The following CTIF variants were observed in gnomAD, a reference collection of about 807,000 sequenced individuals.
CTIF encodes cap binding complex dependent translation initiation factor.
In CTIF, 21 loss-of-function variants were observed where a neutral mutation model predicts 66.0. The ratio of observed to expected loss-of-function variants is 0.32; its 90% CI spans 0.23 to 0.46. The LOEUF (loss-of-function observed/expected upper bound fraction) is 0.46. Ranked by LOEUF, CTIF falls within the 20% of genes least tolerant of loss-of-function variation. CTIF has a pLI of 1.00. For synonymous variants in CTIF, 345 were observed against 326.4 expected, an observed-to-expected ratio of 1.06 and a Z score of -0.62; for missense variants, 739 against 812.7, an observed-to-expected ratio of 0.91 and a Z score of 1.10.
chr18:48,739,686 T>C (rs1259689967), intron 7 of CTIF, among the ~76,000 whole-genome samples: 1 of 152,218 alleles, frequency 6.6e-6, no homozygotes, highest in Non-Finnish European at 1.5e-5. Flanking sequence ...GATTGGCCCT[T>C]GGCGGGGCCC....
intron 9 of CTIF, among the ~76,000 whole-genome samples, chr18:48,775,010 G>A (rs1221771925): frequency 6.6e-6 from 1 of 152,102 alleles, no homozygotes; most frequent in Non-Finnish European, 1.5e-5. Flanking sequence ...CTAAAGTGGG[G>A]TTCGAAGCAC....
intron 1 of CTIF, among the ~76,000 whole-genome samples, chr18:48,543,284 T>G (rs550049287): frequency 6.6e-6 from 1 of 152,298 alleles, no homozygotes; most frequent in African/African-American, 2.4e-5. Context: ...AATTGCAGTT[T>G]CTGAGAATTC....
chr18:48,707,998 C>T (rs989059039), intron 6 of CTIF, among the ~76,000 whole-genome samples: 15 of 152,316 alleles, frequency 9.8e-5, no homozygotes, highest in Middle Eastern at 3.4e-3. Context: ...AGCTTCTTTC[C>T]CTGAACATGA....
chr18:48,598,629 CATGAAACG>C (rs1210134274), intron 1 of CTIF, among the ~76,000 whole-genome samples: 1 of 152,168 alleles, frequency 6.6e-6, no homozygotes, highest in Non-Finnish European at 1.5e-5. Context: ...CTCAGAGGGC[CATGAAACG>C]GTGAAACGGC....
rs539930922 is a variant in CTIF, at chr18:48,779,670, G to A, written c.1371+17981G>A. 5.3e-5 allele frequency among the ~76,000 whole-genome samples: 8 copies of A among 152,352 alleles called. No homozygotes were observed. In the South Asian group the frequency reaches 6.2e-4, roughly 12 times the overall value. ...GGCCAGCGCTTAGCAGCGGGCTTGG[G>A]TCTGCTGCCTCCTTTCCTGTCTTGC... On this transcript the variant is annotated intron_variant, in intron 9 of 11. Transcript: ENST00000256413.
chr18:48,659,283 C>T lies in CTIF; in HGVS notation c.253-4469C>T, dbSNP rs1175981414. ...CTACTTCTCCAGAGACTCAGCTTCT[C>T]GTCTGCCAGGCCCCGAGTCTTCATG... is the stretch of plus-strand genomic sequence containing the variant. On this transcript the variant is annotated intron_variant, in intron 3 of 11. Coordinates refer to ENST00000256413, the MANE Select transcript of CTIF (RefSeq NM_014772.3). Among the ~76,000 whole-genome samples, 10 of 152,270 alleles carry T rather than the reference C, an allele frequency of 6.6e-5. No individual in the cohort carries two copies. In the East Asian group the frequency reaches 1.9e-3, roughly 29 times the overall value.
At chr18:48,806,222 G>A (rs1430410881) in intron 9 of CTIF, among the ~76,000 whole-genome samples, 1 of 152,168 alleles carries the variant, frequency 6.6e-6, no homozygotes, top group Non-Finnish European at 1.5e-5. Flanking sequence ...CCTCTTTTCA[G>A]TATAAAGAAT....
chr18:48,621,359 G>T, intron 2 of CTIF: 1 of 182,182 alleles, frequency 5.5e-6, no homozygotes. Flanking sequence ...TGCCAGGGCT[G>T]GGCTGGAAGA....
At chr18:48,674,789 C>A (rs1331856012) in intron 6 of CTIF, among the ~76,000 whole-genome samples, 1 of 152,136 alleles carries the variant, frequency 6.6e-6, no homozygotes, top group Non-Finnish European at 1.5e-5. Context: ...ACCCCTGCTG[C>A]CAGGAATAGT....
chr18:48,671,857 G>C (rs2091539737), intron 6 of CTIF, among the ~76,000 whole-genome samples: 1 of 146,410 alleles, frequency 6.8e-6, no homozygotes, highest in Non-Finnish European at 1.5e-5. Context: ...AGCTTTTATT[G>C]CTATTTCTTC....
chr18:48,651,479 C>T (rs1161926546), intron 3 of CTIF, among the ~76,000 whole-genome samples: 1 of 151,088 alleles, frequency 6.6e-6, no homozygotes, highest in Admixed American at 6.6e-5. Flanking sequence ...CAGGAGCACA[C>T]AGTAGACTCC....
intron 6 of CTIF, among the ~76,000 whole-genome samples, chr18:48,709,070 G>T (rs1384226): frequency 0.47 from 71,752 of 152,062 alleles, 19,282 homozygotes; most frequent in African/African-American, 0.74. Context: ...TACATGTTTC[G>T]GAACTCATTT....
intron 1 of CTIF, among the ~76,000 whole-genome samples, chr18:48,553,548 C>A (rs945010510): frequency 6.6e-6 from 1 of 152,168 alleles, no homozygotes; most frequent in African/African-American, 2.4e-5. Flanking sequence ...GCTCATCCCA[C>A]GAGGCGTTCG....
intron 5 of CTIF, among the ~76,000 whole-genome samples, chr18:48,667,512 G>A (rs1193002844): frequency 6.6e-6 from 1 of 152,166 alleles, no homozygotes; most frequent in Non-Finnish European, 1.5e-5. Flanking sequence ...CTGCCTTATT[G>A]ACTACAGGTG....
chr18:48,553,218 C>A (rs956568829), intron 1 of CTIF, among the ~76,000 whole-genome samples: 1 of 152,194 alleles, frequency 6.6e-6, no homozygotes, highest in Admixed American at 6.5e-5. Context: ...CTTTGAGTGA[C>A]GTCCACAAAA....
At chr18:48,687,015 C>T (rs1311060695) in intron 6 of CTIF, among the ~76,000 whole-genome samples, 1 of 152,066 alleles carries the variant, frequency 6.6e-6, no homozygotes, top group Non-Finnish European at 1.5e-5. Context: ...TGCATGTGGT[C>T]AATCCTGTCG....
intron 9 of CTIF, among the ~76,000 whole-genome samples, chr18:48,811,554 C>T (rs927644475): frequency 9.2e-5 from 14 of 152,162 alleles, no homozygotes; most frequent in African/African-American, 3.4e-4. Context: ...TACCTATTAA[C>T]CCCCCATGTC....
At chr18:48,559,145 ATCTAGATGGGGAC>A (rs2089091241) in intron 1 of CTIF, among the ~76,000 whole-genome samples, 1 of 152,154 alleles carries the variant, frequency 6.6e-6, no homozygotes, top group African/African-American at 2.4e-5. Context: ...ATCATCTTTT[ATCTAGATGGGGAC>A]TCTGGAGTCT....
intron 10 of CTIF, among the ~76,000 whole-genome samples, chr18:48,823,976 CCACACACACACACACACA>C (rs35554666): frequency 3.2e-5 from 4 of 124,102 alleles, no homozygotes; most frequent in African/African-American, 1.1e-4. Context: ...CCTAAAGACT[CCACACACACACACACACA>C]CACACACACA....
Sources: allele counts gnomAD v4.1 joint callset (sites outside exome capture counted in the v4.1 genomes callset), GRCh38; gene constraint gnomAD v4.1.1; transcripts MANE v1.5; gene names NCBI Gene and HGNC (gene_info 2026-07-23, HGNC 2026-07-21).